GHR: variants seen among roughly 807,000 people sequenced by gnomAD.
GHR encodes the protein growth hormone receptor.
A neutral mutation model predicts 67.1 loss-of-function variants in GHR; 35 were observed. The observed-to-expected ratio is 0.52, with a 90% CI of 0.40 to 0.69. The LOEUF (loss-of-function observed/expected upper bound fraction) is 0.69, where lower values mean the gene tolerates loss of function less well. GHR is among the 30% of genes least tolerant of loss of function. The probability of loss-of-function intolerance (pLI) is 0.00; values close to 1 mark genes in which losing one functional copy is unlikely to be tolerated. For missense variants in GHR, 792 were observed against 764.6 expected, an observed-to-expected ratio of 1.04 and a Z score of -0.42; for synonymous variants, 272 against 269.1, an observed-to-expected ratio of 1.01 and a Z score of -0.10.
intron 1 of GHR, among the ~76,000 whole-genome samples, chr5:42,494,824 C>T (rs1362509598): frequency 6.6e-6 from 1 of 152,066 alleles, no homozygotes; most frequent in Non-Finnish European, 1.5e-5. Flanking sequence ...GAGTGAAATG[C>T]AATGAAGATA....
chr5:42,495,773 G>C (rs967417583), intron 1 of GHR, among the ~76,000 whole-genome samples: 3 of 152,128 alleles, frequency 2.0e-5, no homozygotes, highest in African/African-American at 7.2e-5. Flanking sequence ...GTGAACTCAG[G>C]AATCTCAGAT....
intron 3 of GHR, among the ~76,000 whole-genome samples, chr5:42,642,781 A>G (rs1754543768): frequency 6.6e-6 from 1 of 152,206 alleles, no homozygotes; most frequent in Non-Finnish European, 1.5e-5. Context: ...AAGTCAAGGT[A>G]TGACCAGGAT....
chr5:42,612,663 CAA>C, intron 2 of GHR, among the ~76,000 whole-genome samples: 1 of 152,158 alleles, frequency 6.6e-6, no homozygotes, highest in African/African-American at 2.4e-5. Flanking sequence ...AGAGTATAAA[CAA>C]AGAGAAAGGG....
chr5:42,600,870 A>C (rs942065049), intron 2 of GHR, among the ~76,000 whole-genome samples: 2 of 151,494 alleles, frequency 1.3e-5, no homozygotes, highest in African/African-American at 4.9e-5. Flanking sequence ...TTAGATTGTC[A>C]AACTGTTACC....
intron 1 of GHR, among the ~76,000 whole-genome samples, chr5:42,491,629 C>T (rs944521062): frequency 4.6e-5 from 7 of 152,198 alleles, no homozygotes; most frequent in African/African-American, 1.7e-4. Context: ...TTATTGTATA[C>T]ATTCTATGTT....
chr5:42,589,803 T>C (rs1191318755), intron 2 of GHR, among the ~76,000 whole-genome samples: 1 of 152,198 alleles, frequency 6.6e-6, no homozygotes, highest in Non-Finnish European at 1.5e-5. Flanking sequence ...ATCTTAAAAT[T>C]ACAACCTTGA....
In GHR at chr5:42,721,130, T is replaced by A. The variant is rs1338307975; in HGVS notation, c.*1706T>A. 2.0e-5 allele frequency: 3 copies of A among 152,252 alleles called. No homozygotes were observed. The highest frequency in any genetic ancestry group is 4.4e-5 in the Non-Finnish European group (3 of 68,106). 9.4% of individuals were successfully genotyped at this position (152,252 alleles called of 1,614,324 possible). A position where few individuals can be genotyped will look rare whatever the true frequency, so the allele number is the denominator to read the frequency against. On this transcript the variant is annotated 3_prime_UTR_variant, in exon 10 of 10. Coordinates refer to ENST00000230882, the MANE Select transcript of GHR (RefSeq NM_000163.5). ...TAGCAGAGACGGGGTTTCACCATGT[T>A]GGCCAGGATGGTCTCGATCTCCTGA...
At chr5:42,457,173 A>G (rs1176875373) in intron 1 of GHR, among the ~76,000 whole-genome samples, 1 of 152,140 alleles carries the variant, frequency 6.6e-6, no homozygotes, top group East Asian at 1.9e-4. Context: ...CTCTGAGAGC[A>G]AGTACCTGGG....
At chr5:42,684,963 C>CT (rs1308831922) in intron 3 of GHR, among the ~76,000 whole-genome samples, 3 of 151,948 alleles carry the variant, frequency 2.0e-5, no homozygotes, top group African/African-American at 7.3e-5. Context: ...TATTATTATA[C>CT]TTTAAGTTCT....
intron 1 of GHR, among the ~76,000 whole-genome samples, chr5:42,489,946 C>G (rs72753091): frequency 1.3e-5 from 2 of 149,906 alleles, no homozygotes; most frequent in Admixed American, 1.3e-4. Flanking sequence ...GTAAAGAAGA[C>G]GAGAAAAAAA....
At chr5:42,457,944 C>T (rs1396571482) in intron 1 of GHR, among the ~76,000 whole-genome samples, 2 of 152,196 alleles carry the variant, frequency 1.3e-5, no homozygotes, top group Non-Finnish European at 2.9e-5. Flanking sequence ...TGGACAATAC[C>T]TAACTCAACT....
At chr5:42,485,214 C>T (rs1181105633) in intron 1 of GHR, among the ~76,000 whole-genome samples, 1 of 152,200 alleles carries the variant, frequency 6.6e-6, no homozygotes, top group Non-Finnish European at 1.5e-5. Context: ...TTTCCATTCC[C>T]TAAGTTTGCT....
chr5:42,481,032 T>C (rs1253744474), intron 1 of GHR, among the ~76,000 whole-genome samples: 1 of 152,132 alleles, frequency 6.6e-6, no homozygotes. Flanking sequence ...GTACCGGTTG[T>C]TCCTTTCCAT....
At chr5:42,438,450 T>C (rs2175126) in intron 1 of GHR, among the ~76,000 whole-genome samples, 26,752 of 152,164 alleles carry the variant, frequency 0.18, 2,590 homozygotes, top group Middle Eastern at 0.27. Flanking sequence ...GACTCATTTC[T>C]ATTAAATGGA....
At chr5:42,681,639 C>T (rs1228814758) in intron 3 of GHR, among the ~76,000 whole-genome samples, 3 of 152,038 alleles carry the variant, frequency 2.0e-5, no homozygotes, top group Non-Finnish European at 4.4e-5. Context: ...AATCATGCTA[C>T]TATAAATACA....
intron 1 of GHR, among the ~76,000 whole-genome samples, chr5:42,506,862 A>T (rs1746800494): frequency 6.6e-6 from 1 of 152,184 alleles, no homozygotes; most frequent in Non-Finnish European, 1.5e-5. Context: ...GAAAACAAGG[A>T]TGTGGTCATA....
chr5:42,541,378 G>A (rs1445885847), intron 1 of GHR, among the ~76,000 whole-genome samples: 1 of 152,124 alleles, frequency 6.6e-6, no homozygotes, highest in Non-Finnish European at 1.5e-5. Flanking sequence ...TATACTATTT[G>A]GGATCTTCAA....
intron 1 of GHR, chr5:42,467,691 G>C: frequency 3.8e-6 from 6 of 1,584,792 alleles, no homozygotes; most frequent in Non-Finnish European, 5.2e-6. Context: ...CACTCTGAAT[G>C]AAGGCCTTCC....
chr5:42,556,145 TG>T (rs1222942233), intron 1 of GHR, among the ~76,000 whole-genome samples: 1 of 152,212 alleles, frequency 6.6e-6, no homozygotes, highest in Admixed American at 6.5e-5. Context: ...CTCCAATTTT[TG>T]CTCCATTTGT....
Sources: allele counts gnomAD v4.1 joint callset (sites outside exome capture counted in the v4.1 genomes callset), GRCh38; gene constraint gnomAD v4.1.1; transcripts MANE v1.5; gene names NCBI Gene and HGNC (gene_info 2026-07-23, HGNC 2026-07-21).